RNF13: variants seen among roughly 807,000 people sequenced by gnomAD.
The protein encoded by RNF13 is E3 ubiquitin-protein ligase RNF13.
A neutral mutation model predicts 37.7 loss-of-function variants in RNF13; 19 were observed. The observed-to-expected ratio is 0.50, with a 90% CI of 0.35 to 0.74. RNF13 has a LOEUF of 0.74. RNF13 is among the 30% of genes least tolerant of loss of function. The pLI, the probability that RNF13 is intolerant of heterozygous loss-of-function variation, is 0.01. For missense variants in RNF13, 375 were observed against 453.0 expected, an observed-to-expected ratio of 0.83 and a Z score of 1.56; for synonymous variants, 144 against 157.8, an observed-to-expected ratio of 0.91 and a Z score of 0.65.
chr3:149,844,971 G>A (rs1476249963), intron 1 of RNF13, among the ~76,000 whole-genome samples: 12 of 151,478 alleles, frequency 7.9e-5, no homozygotes, highest in African/African-American at 2.4e-4. Context: ...TTCCCCCCAC[G>A]CCCTGCCAAT....
chr3:149,813,528 C>G (rs1474393347), intron 1 of RNF13, among the ~76,000 whole-genome samples, 175 bp downstream of exon 1: 1 of 152,214 alleles, frequency 6.6e-6, no homozygotes, highest in African/African-American at 2.4e-5. Context: ...AATAAAATAG[C>G]CTTGCCCTCG....
At chr3:149,837,808 AC>A (rs1721777804) in intron 1 of RNF13, among the ~76,000 whole-genome samples, 1 of 151,944 alleles carries the variant, frequency 6.6e-6, no homozygotes, top group Non-Finnish European at 1.5e-5. Context: ...ATATTTCAAA[AC>A]CAATCATGCC....
intron 4 of RNF13, among the ~76,000 whole-genome samples, chr3:149,892,905 ATACTC>A (rs1227351777): frequency 6.6e-6 from 1 of 152,182 alleles, no homozygotes. Flanking sequence ...ATTAACGTAA[ATACTC>A]TAAGCAGGGA....
chr3:149,864,614 G>A (rs1029570395), intron 3 of RNF13, among the ~76,000 whole-genome samples: 2 of 152,102 alleles, frequency 1.3e-5, no homozygotes, highest in African/African-American at 2.4e-5. Context: ...CAAATGAGAG[G>A]CACACACCAG....
At chr3:149,938,349 TG>T (rs1475072738) in intron 8 of RNF13, among the ~76,000 whole-genome samples, 2 of 151,852 alleles carry the variant, frequency 1.3e-5, no homozygotes, top group African/African-American at 4.8e-5. Flanking sequence ...GGCTAATTTT[TG>T]TATTTTTTAG....
At chr3:149,884,297 G>A (rs1713761301) in intron 4 of RNF13, among the ~76,000 whole-genome samples, 2 of 152,016 alleles carry the variant, frequency 1.3e-5, no homozygotes, top group South Asian at 4.1e-4. Context: ...AGTTTGTTAA[G>A]TTGATGAAGA....
intron 8 of RNF13, among the ~76,000 whole-genome samples, chr3:149,935,070 G>A (rs1213799846): frequency 6.6e-6 from 1 of 152,164 alleles, no homozygotes; most frequent in Non-Finnish European, 1.5e-5. Flanking sequence ...GTGCTGATGA[G>A]AAGAATGTAT....
rs1173615601 is a variant in RNF13 at position 149,908,459 on chromosome 3, G to A, written c.501-3519G>A. 3.3e-5 allele frequency among the ~76,000 whole-genome samples: 5 copies of A among 152,148 alleles called. No individual in the cohort carries two copies. The East Asian group carries it at 9.6e-4, about 29-fold the overall frequency. ...CACCAGGCCCATTGACTGTATCACA[G>A]TAGACATTTAGTAAATTCTAATGAA... is the stretch of plus-strand genomic sequence containing the variant. On this transcript the variant is annotated intron_variant, in intron 6 of 9. Coordinates refer to ENST00000392894, the MANE Select transcript of RNF13 (RefSeq NM_183381.3).
At chr3:149,875,761 C>T (rs1712608123) in intron 4 of RNF13, among the ~76,000 whole-genome samples, 1 of 152,158 alleles carries the variant, frequency 6.6e-6, no homozygotes, top group African/African-American at 2.4e-5. Context: ...CTATTGATTA[C>T]ATGTCAGGTA....
At chr3:149,833,453 A>G (rs571328228) in intron 1 of RNF13, among the ~76,000 whole-genome samples, 301 of 152,314 alleles carry the variant, frequency 2.0e-3, no homozygotes, top group African/African-American at 6.7e-3. Context: ...CTTGGAATGC[A>G]AGGATGGTTC....
chr3:149,854,044 C>T (rs1379932725), intron 3 of RNF13, among the ~76,000 whole-genome samples: 1 of 151,888 alleles, frequency 6.6e-6, no homozygotes, highest in Admixed American at 6.6e-5. Context: ...CCATGTTGCC[C>T]AGGCTGGTCT....
chr3:149,871,737 G>A (rs1005614103), intron 3 of RNF13, among the ~76,000 whole-genome samples: 1 of 152,038 alleles, frequency 6.6e-6, no homozygotes, highest in Non-Finnish European at 1.5e-5. Flanking sequence ...GTCAAATATT[G>A]TTCGAAAATA....
At chr3:149,959,049 A>G (rs370409142) in intron 8 of RNF13, among the ~76,000 whole-genome samples, 8 of 152,260 alleles carry the variant, frequency 5.3e-5, no homozygotes, top group African/African-American at 1.2e-4. Flanking sequence ...TTTATTTCTG[A>G]TATGTCTTCC....
At chr3:149,886,093 A>T (rs1164813452) in intron 4 of RNF13, among the ~76,000 whole-genome samples, 1 of 152,012 alleles carries the variant, frequency 6.6e-6, no homozygotes, top group Non-Finnish European at 1.5e-5. Context: ...TGTTCTGTGT[A>T]TCTTTTTATG....
intron 3 of RNF13, among the ~76,000 whole-genome samples, chr3:149,869,281 A>G (rs1711711996): frequency 6.6e-6 from 1 of 151,890 alleles, no homozygotes; most frequent in African/African-American, 2.4e-5. Context: ...GAGTTTCCTT[A>G]AAACTACTAT....
chr3:149,836,630 A>C (rs1487657778), intron 1 of RNF13, among the ~76,000 whole-genome samples: 2 of 152,290 alleles, frequency 1.3e-5, no homozygotes, highest in South Asian at 2.1e-4. Flanking sequence ...CTTTAAAAAA[A>C]AAAAATCAAA....
rs555135581 is a variant in RNF13, at chr3:149,855,494, T to C, written c.195+2898T>C. On this transcript the variant is annotated intron_variant, in intron 3 of 9. Coordinates refer to ENST00000392894, the MANE Select transcript of RNF13 (RefSeq NM_183381.3). ...GTAATTTCCTCTTTAAAAATACATA[T>C]ATATGTATTTTTACATTTATGCATT... Among the ~76,000 whole-genome samples the C allele has an allele frequency of 1.8e-4, 28 of 151,434 alleles. 1 individual carries two copies. The highest frequency in any genetic ancestry group is 6.3e-4 in the African/African-American group (26 of 41,288).
chr3:149,904,508 G>T (rs1378790639), intron 6 of RNF13, among the ~76,000 whole-genome samples: 4 of 152,194 alleles, frequency 2.6e-5, no homozygotes, highest in African/African-American at 7.2e-5. Flanking sequence ...AGCCTCCCCA[G>T]CAGCTGGGGG....
At chr3:149,925,925 CGTT>C (rs1382630726) in intron 8 of RNF13, among the ~76,000 whole-genome samples, 13 of 152,080 alleles carry the variant, frequency 8.5e-5, no homozygotes, top group Admixed American at 4.6e-4. Context: ...GTTTATAACT[CGTT>C]GTTTTACTTT....
Sources: gnomAD v4.1 joint callset for allele counts (sites outside exome capture counted in the v4.1 genomes callset) on GRCh38, gnomAD v4.1.1 for gene constraint, MANE v1.5 for transcripts, NCBI Gene and HGNC (gene_info 2026-07-23, HGNC 2026-07-21) for gene names.